RBM47: variants seen among roughly 807,000 people sequenced by gnomAD.
The protein encoded by RBM47 is RNA-binding protein 47.
In RBM47, 21 loss-of-function variants were observed where a neutral mutation model predicts 47.1. The observed-to-expected ratio is 0.45, with a 90% confidence interval of 0.32 to 0.64. RBM47 has a LOEUF of 0.64. Among genes scored for constraint, RBM47 ranks in the 30% least tolerant of loss-of-function variants. The probability of loss-of-function intolerance (pLI) is 0.05; values close to 1 mark genes in which losing one functional copy is unlikely to be tolerated. For missense variants in RBM47, 708 were observed against 870.9 expected (o/e 0.81, Z 2.35); for synonymous variants, 375 against 361.7 (o/e 1.04, Z -0.42).
chr4:40,544,912 A>C lies in RBM47; in HGVS notation c.-239-406T>G, dbSNP rs1470365734. On this transcript the variant is annotated intron_variant, in intron 1 of 6. Transcript: ENST00000295971. The stretch of plus-strand genomic sequence containing the variant: ...ATAGTGAGAGCCTATCTCTACAAAA[A>C]AATTTAAAATTAGCTGGGCGCCCAT... Among the ~76,000 whole-genome samples, 8 of 152,248 alleles carry C rather than the reference A, an allele frequency of 5.3e-5. No homozygotes were observed. The East Asian group carries it at 1.4e-3, about 26-fold the overall frequency.
chr4:40,565,242 GTTAAGCAGTA>G (rs1730985619), intron 1 of RBM47, among the ~76,000 whole-genome samples: 4 of 152,222 alleles, frequency 2.6e-5, no homozygotes, highest in Non-Finnish European at 5.9e-5. Context: ...CCCCAGTGAT[GTTAAGCAGTA>G]CTCAGCATGA....
intron 2 of RBM47, among the ~76,000 whole-genome samples, chr4:40,486,074 A>G (rs1289063551): frequency 4.1e-5 from 4 of 96,478 alleles, no homozygotes; most frequent in African/African-American, 2.1e-4. Flanking sequence ...TGTTTCAAAA[A>G]AAAAAAAAAA....
intron 3 of RBM47, among the ~76,000 whole-genome samples, chr4:40,444,053 G>T (rs1002460030): frequency 6.6e-6 from 1 of 152,002 alleles, no homozygotes; most frequent in African/African-American, 2.4e-5. Flanking sequence ...ACAAAAATTA[G>T]CCGGGCATGG....
intron 1 of RBM47, among the ~76,000 whole-genome samples, chr4:40,582,611 C>G (rs938636626): frequency 6.6e-6 from 1 of 152,176 alleles, no homozygotes; most frequent in Admixed American, 6.6e-5. Flanking sequence ...GCAAAGCATT[C>G]CAGGATCTGT....
intron 1 of RBM47, among the ~76,000 whole-genome samples, chr4:40,609,318 G>GA (rs1553908892): frequency 7.2e-6 from 1 of 139,484 alleles, no homozygotes; most frequent in Non-Finnish European, 1.6e-5. Context: ...ATTTTTATTG[G>GA]TTTTTTTTTT....
chr4:40,452,174 A>C (rs997583000), intron 3 of RBM47, among the ~76,000 whole-genome samples: 36 of 151,630 alleles, frequency 2.4e-4, no homozygotes, highest in Non-Finnish European at 4.1e-4. Flanking sequence ...CATCTCAAAA[A>C]AAAAAAAAAG....
chr4:40,609,392 A>G (rs1477211696), intron 1 of RBM47, among the ~76,000 whole-genome samples: 6 of 150,072 alleles, frequency 4.0e-5, no homozygotes, highest in Non-Finnish European at 8.9e-5. Flanking sequence ...GGCTCACGGT[A>G]ACCTCCGCCT....
chr4:40,534,889 C>T (rs772712615), intron 2 of RBM47, among the ~76,000 whole-genome samples: 243 of 147,476 alleles, frequency 1.6e-3, no homozygotes, highest in Non-Finnish European at 2.7e-3. Context: ...GAGCCGAGAT[C>T]GTGCCAGTGC....
chr4:40,510,826 C>A (rs1724830961), intron 2 of RBM47, among the ~76,000 whole-genome samples: 1 of 152,148 alleles, frequency 6.6e-6, no homozygotes, highest in Non-Finnish European at 1.5e-5. Context: ...AATCCCAACA[C>A]TTTGGGAGGC....
chr4:40,432,521 T>G, intron 6 of RBM47, 130 bp downstream of exon 6: 1 of 1,473,090 alleles, frequency 6.8e-7, no homozygotes, highest in Non-Finnish European at 9.2e-7. Flanking sequence ...TCAAAATGCT[T>G]TGTGTCACCC....
At chr4:40,434,004 T>C (rs60193838) in intron 5 of RBM47, among the ~76,000 whole-genome samples, 1 of 18,206 alleles carries the variant, frequency 5.5e-5, no homozygotes. Context: ...GGGGCGGGGG[T>C]GTGTGTGTGT....
intron 1 of RBM47, among the ~76,000 whole-genome samples, chr4:40,627,330 T>C (rs1737836192): frequency 6.6e-6 from 1 of 151,712 alleles, no homozygotes; most frequent in African/African-American, 2.4e-5. Context: ...CTCTTCAGAG[T>C]TTTTTTTCCC....
rs34309510 is a variant in RBM47 at position 40,538,328 on chromosome 4, G to GTTTT, written c.-155+6090_-155+6093dup. Among the ~76,000 whole-genome samples, 214 of 125,792 alleles carry GTTTT rather than the reference G, an allele frequency of 1.7e-3. 4 individuals carry two copies. The highest frequency in any genetic ancestry group is 8.3e-3 in the Middle Eastern group (2 of 240). The allele number at this position is 125,792 out of a possible 152,430, so 82.5% of individuals were successfully genotyped here. A position where few individuals can be genotyped will look rare whatever the true frequency, so the allele number is the denominator to read the frequency against. On this transcript the variant is annotated intron_variant, in intron 2 of 6. Transcript: ENST00000295971. ...GGTAGGATGCTCTTTTATTGGTATT[G>GTTTT]TTTTTTTTTTTTTTTTTGAGACAGA...
chr4:40,594,058 C>G (rs1427074839), intron 1 of RBM47, among the ~76,000 whole-genome samples: 9 of 151,704 alleles, frequency 5.9e-5, no homozygotes, highest in Non-Finnish European at 1.2e-4. Flanking sequence ...TCTCAAAAAA[C>G]AAACAAAAAA....
intron 2 of RBM47, among the ~76,000 whole-genome samples, chr4:40,504,802 C>T (rs1289723761): frequency 6.6e-6 from 1 of 152,144 alleles, no homozygotes; most frequent in African/African-American, 2.4e-5. Context: ...ATTTGTCCAC[C>T]TTCTATTCAC....
intron 1 of RBM47, among the ~76,000 whole-genome samples, chr4:40,608,869 T>C (rs572872295): frequency 1.3e-5 from 2 of 152,356 alleles, no homozygotes; most frequent in South Asian, 2.1e-4. Context: ...AAATCTTATA[T>C]GTACATTCCT....
At chr4:40,539,984 T>G (rs1406494696) in intron 2 of RBM47, among the ~76,000 whole-genome samples, 1 of 152,134 alleles carries the variant, frequency 6.6e-6, no homozygotes, top group Non-Finnish European at 1.5e-5. Flanking sequence ...CCTCTTAATT[T>G]ATTAACTTAC....
intron 3 of RBM47, among the ~76,000 whole-genome samples, chr4:40,444,491 G>A (rs1188100419): frequency 6.6e-6 from 1 of 151,854 alleles, no homozygotes; most frequent in Non-Finnish European, 1.5e-5. Flanking sequence ...AAATAGTTGA[G>A]ACCCAGACAG....
At chr4:40,532,886 C>T (rs1304960194) in intron 2 of RBM47, among the ~76,000 whole-genome samples, 1 of 152,090 alleles carries the variant, frequency 6.6e-6, no homozygotes, top group Non-Finnish European at 1.5e-5. Context: ...CTTATAGCCT[C>T]TTGCAATCTG....
Sources: gnomAD v4.1 joint callset for allele counts (sites outside exome capture counted in the v4.1 genomes callset) on GRCh38, gnomAD v4.1.1 for gene constraint, MANE v1.5 for transcripts, NCBI Gene and HGNC (gene_info 2026-07-23, HGNC 2026-07-21) for gene names.